The following PDE1A variants were observed in gnomAD, a reference collection of about 807,000 sequenced individuals.
PDE1A encodes the protein dual specificity calcium/calmodulin-dependent 3',5'-cyclic nucleotide phosphodiesterase 1A.
PDE1A carries 35 observed loss-of-function variants against 61.7 expected under a neutral mutation model. The ratio of observed to expected loss-of-function variants is 0.57; its 90% confidence interval spans 0.43 to 0.75. The LOEUF is 0.75. PDE1A is among the 30% of genes least tolerant of loss of function. PDE1A has a pLI of 0.00. For missense variants in PDE1A, 597 were observed against 630.6 expected, an observed-to-expected ratio of 0.95 and a Z score of 0.57; for synonymous variants, 232 against 213.2, an observed-to-expected ratio of 1.09 and a Z score of -0.77.
chr2:182,524,239 T>C (rs777574680), upstream of PDE1A, among the ~76,000 whole-genome samples: 2 of 152,196 alleles, frequency 1.3e-5, no homozygotes, highest in Non-Finnish European at 2.9e-5. Flanking sequence ...ATCTATGTTC[T>C]GCTTTCAAAG....
the PDE1A span, among the ~76,000 whole-genome samples, chr2:182,598,571 A>AC: frequency 1.4e-4 from 22 of 151,780 alleles, no homozygotes; most frequent in Non-Finnish European, 2.4e-4. Flanking sequence ...TCAAAAAAAA[A>AC]AAAAACAAAA....
At chr2:182,268,173 T>A (rs1328844751) in intron 1 of PDE1A, among the ~76,000 whole-genome samples, 2 of 152,108 alleles carry the variant, frequency 1.3e-5, no homozygotes, top group Non-Finnish European at 2.9e-5. Context: ...CTTGATGTTC[T>A]AATCTGAGCA....
intron 1 of PDE1A, among the ~76,000 whole-genome samples, chr2:182,388,965 T>C (rs1701271463): frequency 6.6e-6 from 1 of 152,024 alleles, no homozygotes; most frequent in South Asian, 2.1e-4. Context: ...TTACAACTGA[T>C]AAAGCAGACA....
the PDE1A span, among the ~76,000 whole-genome samples, chr2:182,701,654 G>A: frequency 1.3e-5 from 2 of 151,920 alleles, no homozygotes; most frequent in African/African-American, 4.8e-5. Flanking sequence ...AGTTACAGGT[G>A]TGGGCCACTG....
At chr2:182,222,631 T>C (rs1304584112) in intron 7 of PDE1A, among the ~76,000 whole-genome samples, 1 of 151,996 alleles carries the variant, frequency 6.6e-6, no homozygotes, top group African/African-American at 2.4e-5. Flanking sequence ...CAACGAAACT[T>C]TAAGGTAGCA....
chr2:182,572,306 C>T, the PDE1A span, among the ~76,000 whole-genome samples: 4 of 152,136 alleles, frequency 2.6e-5, no homozygotes, highest in African/African-American at 9.7e-5. Flanking sequence ...AATCTCTCCT[C>T]TTCTGGCAAT....
chr2:182,329,409 G>A (rs1362610250), intron 1 of PDE1A, among the ~76,000 whole-genome samples: 1 of 151,568 alleles, frequency 6.6e-6, no homozygotes, highest in Non-Finnish European at 1.5e-5. Flanking sequence ...TTTTTTTGGA[G>A]ATGGAGTTTC....
intron 10 of PDE1A, among the ~76,000 whole-genome samples, chr2:182,199,807 CTT>C (rs1483818768): frequency 6.6e-6 from 1 of 152,078 alleles, no homozygotes; most frequent in Non-Finnish European, 1.5e-5. Context: ...TACTCAGTAA[CTT>C]TCTCTAGGAA....
intron 1 of PDE1A, among the ~76,000 whole-genome samples, chr2:182,387,982 T>C (rs1329466293): frequency 1.3e-5 from 2 of 152,058 alleles, no homozygotes; most frequent in African/African-American, 2.4e-5. Context: ...AGTGAAGGGA[T>C]AGAAAAAGAT....
At chr2:182,633,099 T>C in the PDE1A span, among the ~76,000 whole-genome samples, 145 of 152,304 alleles carry the variant, frequency 9.5e-4, no homozygotes, top group Middle Eastern at 6.8e-3. Flanking sequence ...CAAAGTAAGA[T>C]AAAATGGCAT....
chr2:182,207,689 A>G (rs1687229799), intron 7 of PDE1A, among the ~76,000 whole-genome samples: 1 of 152,252 alleles, frequency 6.6e-6, no homozygotes, highest in Non-Finnish European at 1.5e-5. Flanking sequence ...TTAATAGCCC[A>G]GACAATGGGG....
At chr2:182,448,007 G>GTT (rs1685253510) in intron 2 of PDE1A, among the ~76,000 whole-genome samples, 1 of 151,984 alleles carries the variant, frequency 6.6e-6, no homozygotes, top group African/African-American at 2.4e-5. Context: ...TTAACTATGT[G>GTT]ATCTTGTTTC....
chr2:182,523,139 A>G (rs1477549852), upstream of PDE1A: 4 of 152,208 alleles, frequency 2.6e-5, no homozygotes. Flanking sequence ...GTAACTGCCA[A>G]TTTAACCAGT....
intron 1 of PDE1A, among the ~76,000 whole-genome samples, chr2:182,274,354 G>A (rs975828088): frequency 4.0e-5 from 6 of 151,738 alleles, no homozygotes; most frequent in Non-Finnish European, 8.8e-5. Context: ...ACATGCATAC[G>A]GAAAAAAACC....
rs563249644 is a variant in PDE1A at position 182,317,244 on chromosome 2, C to T, written c.54-52830G>A. The stretch of plus-strand genomic sequence containing the variant: ...GAAAGCAGATGCTCTTGGAACATTT[C>T]TCACAAACTTTTTTTTTTTTTTTGA... On this transcript the variant is annotated intron_variant, in intron 1 of 13. Coordinates refer to ENST00000351439, the Ensembl canonical transcript of PDE1A. Among the ~76,000 whole-genome samples, 7 of 151,328 alleles carry T rather than the reference C, an allele frequency of 4.6e-5. 1 individual carries two copies. The highest frequency in any genetic ancestry group is 1.7e-4 in the African/African-American group (7 of 41,154).
At chr2:182,242,051 T>A in intron 2 of PDE1A, 1 of 1,290,286 alleles carries the variant, frequency 7.8e-7, no homozygotes, top group Middle Eastern at 2.1e-4. Context: ...ACAAGTGGAA[T>A]AGGAATCATT....
At chr2:182,445,339 C>A (rs1426340026) in intron 2 of PDE1A, among the ~76,000 whole-genome samples, 6 of 152,092 alleles carry the variant, frequency 3.9e-5, no homozygotes, top group Non-Finnish European at 8.8e-5. Flanking sequence ...TAAAACAAAT[C>A]ATTTAGAGTA....
intron 11 of PDE1A, among the ~76,000 whole-genome samples, chr2:182,188,356 T>C (rs1237903331): frequency 2.0e-5 from 3 of 152,228 alleles, no homozygotes; most frequent in African/African-American, 7.2e-5. Context: ...CTTGTGTTTA[T>C]TGATCATATT....
chr2:182,643,433 A>T, the PDE1A span, among the ~76,000 whole-genome samples: 50 of 152,252 alleles, frequency 3.3e-4, no homozygotes, highest in East Asian at 2.3e-3. Context: ...GGTCTTGGGT[A>T]CTGCCCTCAG....
Sources: gnomAD v4.1 joint callset for allele counts (sites outside exome capture counted in the v4.1 genomes callset) on GRCh38, gnomAD v4.1.1 for gene constraint, MANE v1.5 for transcripts, NCBI Gene and HGNC (gene_info 2026-07-23, HGNC 2026-07-21) for gene names.